NOVA1: variants seen among roughly 807,000 people sequenced by gnomAD.
The protein encoded by NOVA1 is RNA-binding protein Nova-1.
In NOVA1, 7 loss-of-function variants were observed where a neutral mutation model predicts 38.0. The observed-to-expected ratio is 0.18, with a 90% CI of 0.10 to 0.35. The LOEUF (loss-of-function observed/expected upper bound fraction) is 0.35. Ranked by LOEUF, NOVA1 falls within the 10% of genes least tolerant of loss-of-function variation. The probability of loss-of-function intolerance (pLI) is 1.00; values close to 1 mark genes in which losing one functional copy is unlikely to be tolerated. For missense variants in NOVA1, 460 were observed against 616.0 expected (o/e 0.75, Z 2.68); for synonymous variants, 270 against 232.5 (o/e 1.16, Z -1.47).
intron 3 of NOVA1, chr14:26,479,282 A>G (rs887844867): frequency 2.6e-5 from 4 of 152,086 alleles, no homozygotes; most frequent in African/African-American, 9.7e-5. Context: ...AATCCACCTT[A>G]TTTAACATGA....
At chr14:26,491,687 C>T (rs1238249650) in intron 2 of NOVA1, among the ~76,000 whole-genome samples, 1 of 152,200 alleles carries the variant, frequency 6.6e-6, no homozygotes, top group African/African-American at 2.4e-5. Flanking sequence ...GTCCCAACAA[C>T]ACTTGTTGAA....
intron 3 of NOVA1, among the ~76,000 whole-genome samples, chr14:26,474,815 T>C (rs1424651268): frequency 6.6e-6 from 1 of 151,988 alleles, no homozygotes; most frequent in East Asian, 1.9e-4. Flanking sequence ...TAGTTTAAAT[T>C]ATTAAAATAA....
At chr14:26,572,124 A>G (rs569298483) in intron 2 of NOVA1, among the ~76,000 whole-genome samples, 3 of 152,328 alleles carry the variant, frequency 2.0e-5, no homozygotes, top group African/African-American at 7.2e-5. Context: ...AATACACCAC[A>G]ATATTATTCT....
At chr14:26,480,175 T>C in intron 2 of NOVA1, 32 bp from the exon 3 acceptor site, 3 of 1,566,136 alleles carry the variant, frequency 1.9e-6, no homozygotes, top group Non-Finnish European at 2.6e-6. Context: ...TCAGAAAATA[T>C]TCCACACTTT....
Position 26,444,935 on chromosome 14 carries a change from T to C in NOVA1, c.*3024A>G, listed in dbSNP as rs1055717153. ...GTGCTGAAAGGACAGCTCCCAGTGT[T>C]GAGGAAAAGATCTTGGATCTAGAAT... On this transcript the variant is annotated 3_prime_UTR_variant, in exon 5 of 5. Coordinates refer to ENST00000539517, the MANE Select transcript of NOVA1 (RefSeq NM_002515.3). 1 of 151,786 alleles carries C rather than the reference T, an allele frequency of 6.6e-6. No homozygotes were observed. Among genetic ancestry groups the C allele is most frequent in the African/African-American group, 2.4e-5 (1 of 41,300 alleles). The allele number at this position is 151,786 out of a possible 1,614,324, so 9.4% of individuals were successfully genotyped here.
chr14:26,447,755 A>G lies in NOVA1; in HGVS notation c.*204T>C. On this transcript the variant is annotated 3_prime_UTR_variant, in exon 5 of 5. Coordinates refer to ENST00000539517, the MANE Select transcript of NOVA1 (RefSeq NM_002515.3). ...TATACACAAGCAAAGTATAGAGAAC[A>G]AAACAGATCAAGAAAAAATTCTTTC... is the stretch of plus-strand genomic sequence containing the variant. The G allele has an allele frequency of 1.7e-6, 1 of 594,004 alleles. No individual in the cohort carries two copies. Among genetic ancestry groups the G allele is most frequent in the Admixed American group, 3.0e-5 (1 of 33,474 alleles). The allele number at this position is 594,004 out of a possible 1,614,324, so 36.8% of individuals were successfully genotyped here. A position where few individuals can be genotyped will look rare whatever the true frequency, so the allele number is the denominator to read the frequency against.
intron 2 of NOVA1, among the ~76,000 whole-genome samples, chr14:26,572,541 T>A (rs561688649): frequency 6.6e-6 from 1 of 152,322 alleles, no homozygotes; most frequent in African/African-American, 2.4e-5. Flanking sequence ...TGACATGGTC[T>A]TCATCATTTT....
chr14:26,448,197 G>T lies in NOVA1; in HGVS notation c.1286C>A (p.Pro429Gln). Reference sequence around the variant, plus strand: ...AAGTATTGCACCAACTAAGTTTTCTGGCACTGCTATTTCAACTACATCCTT... The same window carrying T: ...AAGTATTGCACCAACTAAGTTTTCTTGCACTGCTATTTCAACTACATCCTT... ...GSKDVVEIAV[P>Q]ENLVGAILGK... Residue 429 changes from proline to glutamine, a missense_variant, in exon 5 of 5, where the codon CCA becomes CAA. By Grantham distance (76) the Pro-to-Gln change is moderately conservative. Transcript: ENST00000539517. This position sits in a 1 kb window ranked among gnomAD's most constrained non-coding sequence, Gnocchi z 5.3. The T allele has an allele frequency of 6.2e-7, 1 of 1,614,138 alleles. No individual in the cohort carries two copies. The highest frequency in any genetic ancestry group is 8.5e-7 in the Non-Finnish European group (1 of 1,180,022).
At chr14:26,469,574 A>G (rs920115278) in intron 4 of NOVA1, among the ~76,000 whole-genome samples, 9 of 152,126 alleles carry the variant, frequency 5.9e-5, no homozygotes, top group Non-Finnish European at 8.8e-5. Flanking sequence ...TGTCAATCCT[A>G]TGAGGCAATA....
chr14:26,586,646 A>G (rs1893530604), intron 2 of NOVA1, among the ~76,000 whole-genome samples: 1 of 151,292 alleles, frequency 6.6e-6, no homozygotes, highest in Admixed American at 6.6e-5. Flanking sequence ...TGAAAGCAAG[A>G]AAGAAAAAAA....
At position 26,561,876 on chromosome 14, in the gene NOVA1, G is replaced by A. The variant is rs552992718; in HGVS notation, c.280+33534C>T. On this transcript the variant is annotated intron_variant, in intron 2 of 4. Transcript: ENST00000539517. ...TTTTCTGATTTTAATCATTCCTAGT[G>A]TGTTAGAACACTATGTCCTAGTTCA... is the stretch of plus-strand genomic sequence containing the variant. Among the ~76,000 whole-genome samples the A allele has an allele frequency of 1.5e-3, 226 of 152,180 alleles. 3 individuals carry two copies. Among genetic ancestry groups the A allele is most frequent in the Non-Finnish European group, 4.6e-4 (31 of 67,994 alleles).
At chr14:26,514,261 A>C (rs945049579) in intron 2 of NOVA1, among the ~76,000 whole-genome samples, 6 of 151,742 alleles carry the variant, frequency 4.0e-5, no homozygotes, top group Non-Finnish European at 8.9e-5. Flanking sequence ...ATTTTTAAAA[A>C]AGCTTCAGAC....
intron 2 of NOVA1, among the ~76,000 whole-genome samples, chr14:26,559,925 C>T (rs1182802793): frequency 6.6e-6 from 1 of 151,966 alleles, no homozygotes; most frequent in East Asian, 1.9e-4. Flanking sequence ...CCTAATTACA[C>T]TGATATGATC....
At chr14:26,513,753 G>A (rs1472587400) in intron 2 of NOVA1, among the ~76,000 whole-genome samples, 5 of 151,470 alleles carry the variant, frequency 3.3e-5, no homozygotes, top group South Asian at 2.1e-4. Flanking sequence ...ATTCTCAACC[G>A]AACATTAATT....
intron 2 of NOVA1, among the ~76,000 whole-genome samples, chr14:26,533,501 C>T (rs1396026793): frequency 6.6e-6 from 1 of 152,136 alleles, no homozygotes; most frequent in Non-Finnish European, 1.5e-5. Flanking sequence ...ATCCATAATA[C>T]AGCTTCTAAT....
At position 26,561,078 on chromosome 14, in the gene NOVA1, C is replaced by T. The variant is rs528693526; in HGVS notation, c.280+34332G>A. Reference sequence around the variant, plus strand: ...AGGAGTGTGCAACCTAGATCCTTCGCGTGCTCAGTTCATGATAGGGTTTCC... The same window carrying T: ...AGGAGTGTGCAACCTAGATCCTTCGTGTGCTCAGTTCATGATAGGGTTTCC... On this transcript the variant is annotated intron_variant, in intron 2 of 4. Transcript: ENST00000539517. Among the ~76,000 whole-genome samples, 3 of 152,220 alleles carry T rather than the reference C, an allele frequency of 2.0e-5. No homozygotes were observed. In the South Asian group the frequency reaches 6.2e-4, roughly 32 times the overall value.
Position 26,448,251 on chromosome 14 carries a change from A to G in NOVA1, c.1232T>C (p.Leu411Pro), listed in dbSNP as rs1287349156. The G allele has an allele frequency of 4.3e-6, 7 of 1,614,090 alleles. No individual in the cohort carries two copies. Among genetic ancestry groups the G allele is most frequent in the Non-Finnish European group, 5.9e-6 (7 of 1,180,042 alleles). ...TCCATCTGTGGACTTTTCTGTTCCT[A>G]GAATGGCACTGGCAGCTAGGGGAGA... ...AASPLAASAI[L>P]GTEKSTDGSK... The change falls in exon 5 of 5, where the codon CTA becomes CCA. Residue 411 changes from leucine to proline, a missense_variant. Leu to Pro is a moderately conservative substitution (Grantham distance 98). Coordinates refer to ENST00000539517, the MANE Select transcript of NOVA1 (RefSeq NM_002515.3). The surrounding 1 kb of genome is among the most constrained non-coding windows in gnomAD (Gnocchi z 5.3).
chr14:26,522,858 A>G (rs57083742), intron 2 of NOVA1, among the ~76,000 whole-genome samples: 27,206 of 152,162 alleles, frequency 0.18, 2,657 homozygotes, highest in East Asian at 0.33. Context: ...CACAAGTTTC[A>G]TAAATTTCTG....
intron 2 of NOVA1, among the ~76,000 whole-genome samples, chr14:26,540,046 T>C (rs554803948): frequency 6.6e-6 from 1 of 152,252 alleles, no homozygotes; most frequent in South Asian, 2.1e-4. Flanking sequence ...TTGTTTCCCA[T>C]TTGTATTTTA....
Sources: gnomAD v4.1 joint callset for allele counts (sites outside exome capture counted in the v4.1 genomes callset) on GRCh38, gnomAD v4.1.1 for gene constraint, Gnocchi (gnomAD v3.1) non-coding constraint, MANE v1.5 for transcripts, NCBI Gene and HGNC (gene_info 2026-07-23, HGNC 2026-07-21) for gene names.